Variants in CYP2U1 observed in about 807,000 individuals in gnomAD.
CYP2U1 encodes cytochrome P450 2U1.
Under a neutral mutation model 42.8 loss-of-function variants are expected in CYP2U1, and 28 were observed. The observed-to-expected ratio is 0.65, with a 90% CI of 0.48 to 0.90. The LOEUF is 0.90. Among genes scored for constraint, CYP2U1 ranks in the 40% least tolerant of loss-of-function variants. CYP2U1 has a pLI of 0.00. For synonymous variants in CYP2U1, 296 were observed against 278.9 expected (o/e 1.06, Z -0.61); for missense variants, 642 against 693.8 (o/e 0.93, Z 0.84).
intron 1 of CYP2U1, 104 bp downstream of exon 1, chr4:107,932,237 A>C (rs1578708215): frequency 3.4e-6 from 5 of 1,461,498 alleles, no homozygotes; most frequent in Non-Finnish European, 1.8e-6. Flanking sequence ...CCGCGCCCCC[A>C]GGCTGCCTCA....
At chr4:107,940,266 T>C (rs1654686157) in intron 1 of CYP2U1, 1 of 151,768 alleles carries the variant, frequency 6.6e-6, no homozygotes, top group Non-Finnish European at 1.5e-5. Context: ...TTTTTTTATT[T>C]TTTAAAGACA....
rs1381493846 is a variant in CYP2U1, at chr4:107,947,399, A to G, written c.1150A>G (p.Arg384Gly). The G allele has an allele frequency of 6.2e-7, 1 of 1,614,112 alleles. No individual in the cohort carries two copies. The highest frequency in any genetic ancestry group is 1.7e-5 in the Admixed American group (1 of 60,010). Residue 384 changes from arginine to glycine, a missense_variant, in exon 3 of 5, where the codon AGA becomes GGA. Coordinates refer to ENST00000332884, the MANE Select transcript of CYP2U1 (RefSeq NM_183075.3). ...AGAAAAGGTTCATGAAGAAATTGAA[A>G]GAGTCATTGGCGCCAACCGAGCTCC... ...VQEKVHEEIE[R>G]VIGANRAPSL... is the part of the protein sequence containing the mutation.
chr4:107,936,800 T>C (rs1733287206), intron 1 of CYP2U1, among the ~76,000 whole-genome samples: 1 of 152,266 alleles, frequency 6.6e-6, no homozygotes, highest in East Asian at 1.9e-4. Flanking sequence ...CTTTATTTGG[T>C]ATGTTCTTCT....
At chr4:107,935,606 GA>G (rs1259630523) in intron 1 of CYP2U1, 3 of 152,174 alleles carry the variant, frequency 2.0e-5, no homozygotes, top group Non-Finnish European at 4.4e-5. Context: ...ACTTTTTCAA[GA>G]GTGAAGAATA....
rs1233810244 is a variant in CYP2U1 at position 107,950,416 on chromosome 4, G to C, written c.1628G>C (p.Arg543Thr). 3.1e-6 allele frequency: 5 copies of C among 1,604,696 alleles called. No individual in the cohort carries two copies. The highest frequency in any genetic ancestry group is 4.2e-6 in the Non-Finnish European group (5 of 1,177,724). The stretch of plus-strand genomic sequence containing the variant: ...CATCCATTTAATATAACTATTTCAA[G>C]GAGATGAAGAGCATCTCCAAGAAGA... The part of the protein sequence containing the change: ...APHPFNITIS[R>T]R The change falls in exon 5 of 5, where the codon AGG becomes ACG. Residue 543 changes from arginine (R) to threonine (T), a missense_variant. Arg to Thr is a moderately conservative substitution (Grantham distance 71). Coordinates refer to ENST00000332884, the MANE Select transcript of CYP2U1 (RefSeq NM_183075.3).
chr4:107,948,586 A>ATC (rs1560703241), intron 3 of CYP2U1, among the ~76,000 whole-genome samples: 146 of 150,130 alleles, frequency 9.7e-4, no homozygotes, highest in African/African-American at 3.6e-3. Context: ...CAATAATAAT[A>ATC]ATAATAATCA....
At chr4:107,940,475 CTTTA>C (rs1195090085) in intron 1 of CYP2U1, 2 of 152,058 alleles carry the variant, frequency 1.3e-5, no homozygotes, top group East Asian at 3.9e-4. Flanking sequence ...TCCAGTTAAA[CTTTA>C]TTTATAGATC....
chr4:107,943,928 G>T (rs1391446215), intron 1 of CYP2U1, among the ~76,000 whole-genome samples: 1 of 152,232 alleles, frequency 6.6e-6, no homozygotes, highest in Non-Finnish European at 1.5e-5. Flanking sequence ...GAGCAATTTT[G>T]TGGGGTTTGA....
chr4:107,948,261 C>CA (rs35791632), intron 3 of CYP2U1, among the ~76,000 whole-genome samples: 2,147 of 95,300 alleles, frequency 0.023, 42 homozygotes, highest in African/African-American at 0.056. Context: ...GCCTCTGTCT[C>CA]AAAAAAAAAA....
At chr4:107,937,503 T>G (rs547659527) in intron 1 of CYP2U1, 1 of 150,248 alleles carries the variant, frequency 6.7e-6, no homozygotes, top group South Asian at 2.1e-4. Context: ...TTTTTCTACA[T>G]GTACATGTAT....
intron 1 of CYP2U1, among the ~76,000 whole-genome samples, chr4:107,942,340 C>A (rs1733526186): frequency 6.6e-6 from 1 of 151,934 alleles, no homozygotes; most frequent in South Asian, 2.1e-4. Flanking sequence ...ATCCCCCAGA[C>A]CTCTGTGTTT....
At chr4:107,940,005 C>T (rs1010007155) in intron 1 of CYP2U1, 1 of 151,998 alleles carries the variant, frequency 6.6e-6, no homozygotes, top group Non-Finnish European at 1.5e-5. Context: ...TTGGCCTGGA[C>T]CTTAGCATAG....
Position 107,931,561 on chromosome 4 carries a change from G to T in CYP2U1, c.-83G>T. 1 of 1,199,004 alleles carries T rather than the reference G, an allele frequency of 8.3e-7. No homozygotes were observed. The highest frequency in any genetic ancestry group is 3.4e-5 in the East Asian group (1 of 29,474). The allele number at this position is 1,199,004 out of a possible 1,614,324, so 74.3% of individuals were successfully genotyped here. On this transcript the variant is annotated 5_prime_UTR_variant, in exon 1 of 5. Coordinates refer to ENST00000332884, the MANE Select transcript of CYP2U1 (RefSeq NM_183075.3). ...CCCCCGACCTTCCAGAGCAGAGCAG[G>T]ACACTGGCGCCGCGGGTCAGGCAGC... is the stretch of plus-strand genomic sequence containing the variant.
Position 107,945,385 on chromosome 4 carries a change from C to T in CYP2U1, c.906C>T (p.Ile302=). 3 of 1,614,028 alleles carry T rather than the reference C, an allele frequency of 1.9e-6. No individual in the cohort carries two copies. Among genetic ancestry groups the T allele is most frequent in the African/African-American group, 1.3e-5 (1 of 75,026 alleles). Residue 302 remains isoleucine (I), a synonymous_variant, in exon 2 of 5, where the codon ATC becomes ATT. Transcript: ENST00000332884. ...TAACCAGTTTCCTTAAAAAAATCAT[C>T]AAAGACCATCAAGAGTCTCTGGATA... ...KDITSFLKKI[I]KDHQESLDRE...
Position 107,945,006 on chromosome 4 carries a change from A to G in CYP2U1, c.527A>G (p.Gln176Arg), listed in dbSNP as rs756288347. 15 of 1,613,282 alleles carry G rather than the reference A, an allele frequency of 9.3e-6. No homozygotes were observed. In the South Asian group the frequency reaches 1.2e-4, roughly 13 times the overall value. Residue 176 changes from glutamine to arginine, a missense_variant, in exon 2 of 5, where the codon CAA becomes CGA. Physicochemically the swap from Gln to Arg is conservative, Grantham distance 43 (BLOSUM62 1). Transcript: ENST00000332884. ...VFAHYGPVWRQQRKFSHSTLR... is the reference protein window; with the variant it reads ...VFAHYGPVWRRQRKFSHSTLR... Reference sequence around the variant, plus strand: ...GCACATTATGGTCCCGTCTGGAGACAACAAAGGAAGTTCTCTCATTCAACT... The same window carrying G: ...GCACATTATGGTCCCGTCTGGAGACGACAAAGGAAGTTCTCTCATTCAACT...
intron 1 of CYP2U1, 46 bp from the exon 2 acceptor site, chr4:107,944,924 T>C (rs1295496927): frequency 5.9e-6 from 9 of 1,537,568 alleles, no homozygotes; most frequent in Admixed American, 2.1e-5. Flanking sequence ...TTCAGTGTTA[T>C]CAGGAATACT....
In CYP2U1 at chr4:107,932,059, C is replaced by G; in HGVS notation, c.416C>G (p.Ala139Gly). 1 of 1,586,292 alleles carries G rather than the reference C, an allele frequency of 6.3e-7. No homozygotes were observed. Among genetic ancestry groups the G allele is most frequent in the Non-Finnish European group, 8.6e-7 (1 of 1,167,192 alleles). Residue 139 changes from alanine (A) to glycine (G), a missense_variant, in exon 1 of 5, where the codon GCG becomes GGG. Physicochemically the swap from Ala to Gly is moderately conservative, Grantham distance 60. Transcript: ENST00000332884. ...VLSDFHSVRE[A>G]LVQQAEVFSD... ...AGCGACTTCCACAGCGTGCGCGAGG[C>G]GCTGGTGCAGCAGGCCGAGGTCTTC...
At chr4:107,946,596 G>A (rs1047366683) in intron 2 of CYP2U1, among the ~76,000 whole-genome samples, 1 of 151,630 alleles carries the variant, frequency 6.6e-6, no homozygotes. Context: ...ATTATTGCTG[G>A]GTAGCAAACT....
chr4:107,941,775 TTATAA>T (rs1464002822), intron 1 of CYP2U1, among the ~76,000 whole-genome samples: 2 of 151,990 alleles, frequency 1.3e-5, no homozygotes, highest in Non-Finnish European at 2.9e-5. Flanking sequence ...ACATTATGTA[TTATAA>T]TAAAAAGAGA....
Sources: gnomAD v4.1 joint callset for allele counts (sites outside exome capture counted in the v4.1 genomes callset) on GRCh38, gnomAD v4.1.1 for gene constraint, MANE v1.5 for transcripts, NCBI Gene and HGNC (gene_info 2026-07-23, HGNC 2026-07-21) for gene names.